MREG: variants seen among roughly 807,000 people sequenced by gnomAD.
The protein encoded by MREG is dilute suppressor protein homolog.
In MREG, 31 loss-of-function variants were observed where a neutral mutation model predicts 28.5. The ratio of observed to expected loss-of-function variants is 1.09; its 90% CI spans 0.82 to 1.47. The LOEUF (loss-of-function observed/expected upper bound fraction) is 1.47. Ranked by LOEUF, MREG falls within the 40% of genes most tolerant of loss-of-function variation. The pLI is 0.00. For synonymous variants in MREG, 106 were observed against 95.2 expected, an observed-to-expected ratio of 1.11 and a Z score of -0.66; for missense variants, 256 against 257.4, an observed-to-expected ratio of 0.99 and a Z score of 0.04.
chr2:215,979,463 C>CAAAAAA lies in MREG; in HGVS notation c.255+16837_255+16842dup, dbSNP rs747741518. 3.5e-3 allele frequency among the ~76,000 whole-genome samples: 370 copies of CAAAAAA among 105,634 alleles called. 5 individuals carry two copies. Among genetic ancestry groups the CAAAAAA allele is most frequent in the Non-Finnish European group, 4.9e-3 (267 of 54,676 alleles). The allele number at this position is 105,634 out of a possible 152,430, so 69.3% of individuals were successfully genotyped here. On this transcript the variant is annotated intron_variant, in intron 2 of 4. Coordinates refer to ENST00000263268, the MANE Select transcript of MREG (RefSeq NM_018000.3). ...GGGCAACAAGAGTGAAACTCCATCT[C>CAAAAAA]AAAAAATAATAATAATAATAATAAT...
At position 215,991,580 on chromosome 2, in the gene MREG, T is replaced by A. The variant is rs537997464; in HGVS notation, c.255+4726A>T. Among the ~76,000 whole-genome samples, 6 of 145,300 alleles carry A rather than the reference T, an allele frequency of 4.1e-5. No individual in the cohort carries two copies. The South Asian group carries it at 1.1e-3, about 26-fold the overall frequency. On this transcript the variant is annotated intron_variant, in intron 2 of 4. Coordinates refer to ENST00000263268, the MANE Select transcript of MREG (RefSeq NM_018000.3). ...AGGAGGTAGAGACACGAAAAACCGT[T>A]CAAAAAAAAAAAATCAATGAATCCA...
intron 1 of MREG, 78 bp downstream of exon 1, chr2:216,013,155 A>G: frequency 1.5e-6 from 2 of 1,291,804 alleles, no homozygotes; most frequent in East Asian, 2.7e-5. Context: ...AACTCACACA[A>G]GCACACAGGT....
At chr2:215,994,657 G>C (rs954309796) in intron 2 of MREG, among the ~76,000 whole-genome samples, 2 of 151,778 alleles carry the variant, frequency 1.3e-5, no homozygotes, top group Admixed American at 6.6e-5. Flanking sequence ...GAAGCTTCTG[G>C]AGGACCCATC....
chr2:216,032,174 T>A (rs1694720597), intron 1 of MREG, among the ~76,000 whole-genome samples: 1 of 152,236 alleles, frequency 6.6e-6, no homozygotes, highest in South Asian at 2.1e-4. Flanking sequence ...TCCATGATAA[T>A]CATTTGCATT....
At chr2:215,980,215 A>G (rs920785262) in intron 2 of MREG, among the ~76,000 whole-genome samples, 5 of 152,122 alleles carry the variant, frequency 3.3e-5, no homozygotes, top group African/African-American at 1.2e-4. Flanking sequence ...GGAGGGCCCC[A>G]ACTTGTTGTC....
At chr2:215,971,110 G>A (rs1270210553) in intron 2 of MREG, among the ~76,000 whole-genome samples, 1 of 152,050 alleles carries the variant, frequency 6.6e-6, no homozygotes, top group Admixed American at 6.5e-5. Flanking sequence ...CATGGGGGTG[G>A]GGAGGACATC....
chr2:215,995,509 A>AC lies in MREG; in HGVS notation c.255+796dup, dbSNP rs1212242370. Among the ~76,000 whole-genome samples the AC allele has an allele frequency of 3.4e-3, 328 of 95,172 alleles. 3 individuals carry two copies. Among genetic ancestry groups the AC allele is most frequent in the African/African-American group, 0.012 (312 of 26,876 alleles). 62.4% of individuals were successfully genotyped at this position (95,172 alleles called of 152,430 possible). A position where few individuals can be genotyped will look rare whatever the true frequency, so the allele number is the denominator to read the frequency against. Reference sequence around the variant, plus strand: ...GCTCCACAGCACCTCCACCCACCCCACCCCCCGCCACCAATATACACACTA... The same window carrying AC: ...GCTCCACAGCACCTCCACCCACCCCACCCCCCCGCCACCAATATACACACTA... On this transcript the variant is annotated intron_variant, in intron 2 of 4. Transcript: ENST00000263268.
chr2:215,960,170 T>A (rs1692741764), intron 2 of MREG, among the ~76,000 whole-genome samples: 1 of 152,196 alleles, frequency 6.6e-6, no homozygotes, highest in Non-Finnish European at 1.5e-5. Flanking sequence ...TTAGCCAGGA[T>A]GATCTCGAAC....
chr2:215,951,013 CTT>C (rs1574592405), intron 2 of MREG, among the ~76,000 whole-genome samples: 2 of 152,012 alleles, frequency 1.3e-5, no homozygotes, highest in Admixed American at 1.3e-4. Flanking sequence ...CTCTCTGTCT[CTT>C]TCTCTCTCTC....
intron 1 of MREG, among the ~76,000 whole-genome samples, chr2:216,006,684 C>T (rs893540790): frequency 1.3e-5 from 2 of 152,200 alleles, no homozygotes; most frequent in East Asian, 1.9e-4. Flanking sequence ...TAAACGTACT[C>T]GTCAACTTTC....
intron 2 of MREG, among the ~76,000 whole-genome samples, chr2:215,994,865 A>G (rs898782384): frequency 2.2e-4 from 33 of 152,142 alleles, no homozygotes; most frequent in African/African-American, 7.9e-4. Context: ...TCACATTTGC[A>G]TGGGGCCCTG....
At chr2:216,005,158 C>CA (rs1471581007) in intron 1 of MREG, among the ~76,000 whole-genome samples, 3 of 152,134 alleles carry the variant, frequency 2.0e-5, no homozygotes, top group South Asian at 2.1e-4. Context: ...AATAGGGGAA[C>CA]AAAATGGAAT....
chr2:215,947,063 C>T lies in MREG; in HGVS notation c.306G>A (p.Arg102=), dbSNP rs1004236393. 3.1e-6 allele frequency: 5 copies of T among 1,612,664 alleles called. No homozygotes were observed. In the African/African-American group the frequency reaches 6.7e-5, roughly 22 times the overall value. ...YDIHTLRQVR[R]EVRNRWKCIL... ...TGCACTTCCATCTGTTTCTTACTTC[C>T]CTTCGAACCTGCCGCAGGGTATGGA... is the stretch of plus-strand genomic sequence containing the variant. Residue 102 remains arginine (R), a synonymous_variant, in exon 3 of 5, where the codon AGG becomes AGA. Transcript: ENST00000263268.
chr2:215,995,835 A>G (rs1276793878), intron 2 of MREG, among the ~76,000 whole-genome samples: 2 of 152,128 alleles, frequency 1.3e-5, no homozygotes, highest in African/African-American at 4.8e-5. Flanking sequence ...TAAATAGTGG[A>G]TCCACTGCTG....
At chr2:215,977,360 G>A (rs1226891893) in intron 2 of MREG, among the ~76,000 whole-genome samples, 1 of 152,104 alleles carries the variant, frequency 6.6e-6, no homozygotes, top group Non-Finnish European at 1.5e-5. Context: ...CCCAATACAG[G>A]AGCACCCAGA....
chr2:215,972,237 C>G (rs1693118896), intron 2 of MREG, among the ~76,000 whole-genome samples: 1 of 152,158 alleles, frequency 6.6e-6, no homozygotes, highest in African/African-American at 2.4e-5. Context: ...GCAGCATTAT[C>G]CAAAGGTTAT....
upstream of MREG, among the ~76,000 whole-genome samples, chr2:216,015,172 C>A (rs968064865): frequency 1.3e-5 from 2 of 151,796 alleles, no homozygotes; most frequent in African/African-American, 4.8e-5. Flanking sequence ...CGCGCGCGTG[C>A]GTGTGTGTTC....
chr2:216,010,415 T>C (rs1694270145), intron 1 of MREG, among the ~76,000 whole-genome samples: 1 of 136,388 alleles, frequency 7.3e-6, no homozygotes, highest in East Asian at 2.2e-4. Flanking sequence ...TGGAGTGCAG[T>C]GGCGCGATCT....
intron 1 of MREG, 118 bp downstream of exon 1, chr2:216,013,115 C>T: frequency 1.2e-6 from 1 of 829,730 alleles, no homozygotes; most frequent in South Asian, 1.6e-5. Flanking sequence ...ATGGCGCCTC[C>T]GCGTGCCCTT....
Sources: gnomAD v4.1 joint callset for allele counts (sites outside exome capture counted in the v4.1 genomes callset) on GRCh38, gnomAD v4.1.1 for gene constraint, MANE v1.5 for transcripts, NCBI Gene and HGNC (gene_info 2026-07-23, HGNC 2026-07-21) for gene names.